MTHFD1L: variants seen among roughly 807,000 people sequenced by gnomAD.
MTHFD1L encodes the protein monofunctional C1-tetrahydrofolate synthase, mitochondrial.
In MTHFD1L, 81 loss-of-function variants were observed where a neutral mutation model predicts 119.5. That is an observed-to-expected ratio of 0.68 (90% CI 0.57 to 0.82). The LOEUF is 0.82. Ranked by LOEUF, MTHFD1L falls within the 40% of genes least tolerant of loss-of-function variation. MTHFD1L has a pLI of 0.00. For synonymous variants in MTHFD1L, 430 were observed against 475.2 expected (o/e 0.90, Z 1.24); for missense variants, 1,125 against 1,253.4 (o/e 0.90, Z 1.55).
intron 9 of MTHFD1L, among the ~76,000 whole-genome samples, chr6:150,919,156 GA>G (rs111966934): frequency 2.6e-3 from 312 of 119,696 alleles, no homozygotes; most frequent in Middle Eastern, 4.3e-3. Flanking sequence ...GAGGGAGACT[GA>G]AAAAAAAAAA....
chr6:150,986,536 C>A (rs1050417774), intron 20 of MTHFD1L, among the ~76,000 whole-genome samples: 1 of 152,142 alleles, frequency 6.6e-6, no homozygotes, highest in Non-Finnish European at 1.5e-5. Context: ...GGTCCTAGAT[C>A]CCTTACATGC....
chr6:150,917,377 G>A (rs1253946256), intron 8 of MTHFD1L, among the ~76,000 whole-genome samples: 2 of 152,166 alleles, frequency 1.3e-5, no homozygotes, highest in African/African-American at 2.4e-5. Context: ...ACAAAAATTA[G>A]CCGGGAGTGT....
chr6:150,910,206 G>A (rs1786630355), intron 8 of MTHFD1L, among the ~76,000 whole-genome samples: 1 of 150,956 alleles, frequency 6.6e-6, no homozygotes, highest in South Asian at 2.1e-4. Context: ...AAAATGTAGT[G>A]GAAAGAACAT....
At chr6:150,940,228 A>G (rs1227105156) in intron 13 of MTHFD1L, among the ~76,000 whole-genome samples, 1 of 152,208 alleles carries the variant, frequency 6.6e-6, no homozygotes, top group East Asian at 1.9e-4. Context: ...GGAACTCACT[A>G]GAAAGTACTT....
In MTHFD1L at chr6:150,918,485, C is replaced by T. The variant is rs1477160879; in HGVS notation, c.893-92C>T. 2.1e-5 allele frequency: 19 copies of T among 904,612 alleles called. No individual in the cohort carries two copies. In the Admixed American group the frequency reaches 3.2e-4, roughly 15 times the overall value. 56.0% of individuals were successfully genotyped at this position (904,612 alleles called of 1,614,324 possible). A position where few individuals can be genotyped will look rare whatever the true frequency, so the allele number is the denominator to read the frequency against. Reference sequence around the variant, plus strand: ...CTAACTTCCTTGGTGAAAAATGAGACCACTATTCAGTGTGCTAGCTGTTTA... The same window carrying T: ...CTAACTTCCTTGGTGAAAAATGAGATCACTATTCAGTGTGCTAGCTGTTTA... On this transcript the variant is annotated intron_variant, in intron 8 of 27. Coordinates refer to ENST00000367321, the MANE Select transcript of MTHFD1L (RefSeq NM_015440.5).
rs146495121 is a variant in MTHFD1L, at chr6:150,967,141, G to T, written c.2013+2104G>T. ...CCACCTGCATCCTCATCTAGCTTCT[G>T]CCCAGCTCTTGTCTGTCACTGGGGT... On this transcript the variant is annotated intron_variant, in intron 19 of 27. Coordinates refer to ENST00000367321, the MANE Select transcript of MTHFD1L (RefSeq NM_015440.5). Among the ~76,000 whole-genome samples, 9 of 152,222 alleles carry T rather than the reference G, an allele frequency of 5.9e-5. No individual in the cohort carries two copies. In the East Asian group the frequency reaches 1.4e-3, roughly 23 times the overall value.
chr6:150,964,307 A>T (rs1247438271), intron 18 of MTHFD1L, among the ~76,000 whole-genome samples: 1 of 152,208 alleles, frequency 6.6e-6, no homozygotes, highest in Non-Finnish European at 1.5e-5. Flanking sequence ...CCAGGAACAG[A>T]GAAAGAGGAC....
At chr6:150,966,325 G>A (rs1488079364) in intron 19 of MTHFD1L, among the ~76,000 whole-genome samples, 1 of 152,046 alleles carries the variant, frequency 6.6e-6, no homozygotes, top group African/African-American at 2.4e-5. Flanking sequence ...GGAGAGAGAG[G>A]GCGAAGGAGG....
intron 26 of MTHFD1L, among the ~76,000 whole-genome samples, chr6:151,085,913 G>A (rs1025026612): frequency 1.3e-5 from 2 of 151,820 alleles, no homozygotes; most frequent in Non-Finnish European, 2.9e-5. Context: ...GGTCACCTGG[G>A]TGTCCTGGTA....
intron 7 of MTHFD1L, among the ~76,000 whole-genome samples, chr6:150,901,009 G>A (rs1353754477): frequency 5.4e-5 from 5 of 92,578 alleles, no homozygotes; most frequent in East Asian, 3.9e-4. Context: ...AGTGAGACTC[G>A]TCTCAAAAAA....
chr6:151,067,712 G>A (rs538637045), intron 26 of MTHFD1L, among the ~76,000 whole-genome samples: 1 of 152,340 alleles, frequency 6.6e-6, no homozygotes, highest in South Asian at 2.1e-4. Context: ...ATGTAGATGG[G>A]TAACCATGTA....
intron 13 of MTHFD1L, chr6:150,939,199 C>G (rs1011868033): frequency 5.9e-6 from 1 of 168,138 alleles, no homozygotes; most frequent in Non-Finnish European, 1.3e-5. Flanking sequence ...CTTGACGCTT[C>G]CCCTCTGTCA....
intron 15 of MTHFD1L, among the ~76,000 whole-genome samples, chr6:150,947,931 A>G (rs1446237603): frequency 1.1e-4 from 16 of 152,144 alleles, no homozygotes; most frequent in Non-Finnish European, 1.9e-4. Context: ...ATCTGGCCAT[A>G]GGTATTTGTC....
At chr6:150,916,236 A>G (rs138363932) in intron 8 of MTHFD1L, among the ~76,000 whole-genome samples, 7 of 148,438 alleles carry the variant, frequency 4.7e-5, no homozygotes, top group Non-Finnish European at 1.0e-4. Context: ...TAAAGTATTT[A>G]GCATGTGTGT....
rs143855225 is a variant in MTHFD1L, at chr6:151,017,391, G to A, written c.2586+1698G>A. On this transcript the variant is annotated intron_variant, in intron 24 of 27. Coordinates refer to ENST00000367321, the MANE Select transcript of MTHFD1L (RefSeq NM_015440.5). Reference sequence around the variant, plus strand: ...GATGGAGTTTCGCTTTTGTTGCCCGGGCTGGAGTGCAGAGGCACCATCTCA... The same window carrying A: ...GATGGAGTTTCGCTTTTGTTGCCCGAGCTGGAGTGCAGAGGCACCATCTCA... Among the ~76,000 whole-genome samples, 1,195 of 151,830 alleles carry A rather than the reference G, an allele frequency of 7.9e-3. 10 individuals carry two copies. Among genetic ancestry groups the A allele is most frequent in the Middle Eastern group, 0.02 (6 of 294 alleles).
intron 26 of MTHFD1L, among the ~76,000 whole-genome samples, chr6:151,084,390 G>A (rs2128637214): frequency 6.6e-6 from 1 of 152,272 alleles, no homozygotes; most frequent in Admixed American, 6.5e-5. Flanking sequence ...GCAGGACGTT[G>A]TCTGAAAACA....
chr6:150,954,784 T>C (rs1795372866), intron 16 of MTHFD1L, among the ~76,000 whole-genome samples: 1 of 151,830 alleles, frequency 6.6e-6, no homozygotes, highest in Non-Finnish European at 1.5e-5. Flanking sequence ...TCCCACCTCA[T>C]TTTTGTATTC....
chr6:150,917,289 C>T (rs1162894885), intron 8 of MTHFD1L, among the ~76,000 whole-genome samples: 20 of 151,842 alleles, frequency 1.3e-4, no homozygotes, highest in Admixed American at 1.3e-3. Flanking sequence ...TTTGGGAGGC[C>T]GAGGTGGGCA....
At chr6:150,885,112 G>T (rs562075292) in intron 5 of MTHFD1L, among the ~76,000 whole-genome samples, 1 of 152,108 alleles carries the variant, frequency 6.6e-6, no homozygotes, top group Non-Finnish European at 1.5e-5. Context: ...CCAGGGTGAA[G>T]TTTCCTAAGG....
Sources: allele counts gnomAD v4.1 joint callset (sites outside exome capture counted in the v4.1 genomes callset), GRCh38; gene constraint gnomAD v4.1.1; transcripts MANE v1.5; gene names NCBI Gene and HGNC (gene_info 2026-07-23, HGNC 2026-07-21).